Variants in GRIK4 observed in about 807,000 individuals in gnomAD.
GRIK4 encodes the protein glutamate receptor ionotropic, kainate 4.
A neutral mutation model predicts 104.9 loss-of-function variants in GRIK4; 40 were observed. The observed-to-expected ratio is 0.38, with a 90% CI of 0.30 to 0.50. The LOEUF (loss-of-function observed/expected upper bound fraction) is 0.50, where lower values mean the gene tolerates loss of function less well. Ranked by LOEUF, GRIK4 falls within the 20% of genes least tolerant of loss-of-function variation. GRIK4 has a pLI of 0.93. For synonymous variants in GRIK4, 485 were observed against 524.9 expected, an observed-to-expected ratio of 0.92 and a Z score of 1.04; for missense variants, 1,047 against 1,308.1, an observed-to-expected ratio of 0.80 and a Z score of 3.08.
intron 8 of GRIK4, among the ~76,000 whole-genome samples, chr11:120,856,117 G>T (rs1280885036): frequency 2.0e-5 from 3 of 152,212 alleles, no homozygotes; most frequent in African/African-American, 7.2e-5. Context: ...GTACCTGTGT[G>T]CCAGGCACTT....
chr11:120,715,251 C>G (rs1422204923), intron 3 of GRIK4, among the ~76,000 whole-genome samples: 2 of 152,214 alleles, frequency 1.3e-5, no homozygotes, highest in Non-Finnish European at 2.9e-5. Flanking sequence ...AGAAGGGGCC[C>G]TGGGGCACAG....
intron 3 of GRIK4, among the ~76,000 whole-genome samples, chr11:120,760,824 ATT>A (rs886726674): frequency 6.7e-6 from 1 of 148,222 alleles, no homozygotes; most frequent in Non-Finnish European, 1.5e-5. Context: ...TATGTGCCAC[ATT>A]TTTTTTTTAT....
intron 13 of GRIK4, among the ~76,000 whole-genome samples, chr11:120,912,056 A>G (rs182745447): frequency 1.3e-5 from 2 of 152,302 alleles, no homozygotes; most frequent in East Asian, 3.9e-4. Flanking sequence ...ATTATACTAT[A>G]TGCAGTGTTG....
At chr11:120,545,128 G>A (rs1325474709) in intron 1 of GRIK4, among the ~76,000 whole-genome samples, 3 of 152,054 alleles carry the variant, frequency 2.0e-5, no homozygotes, top group Non-Finnish European at 4.4e-5. Context: ...GTCACTGGCC[G>A]GTTTCCTGTG....
intron 3 of GRIK4, among the ~76,000 whole-genome samples, chr11:120,676,738 C>G (rs991674154): frequency 2.0e-5 from 3 of 152,234 alleles, no homozygotes; most frequent in African/African-American, 7.2e-5. Flanking sequence ...CTTCCCAGCA[C>G]TGCCACATTA....
At chr11:120,642,542 T>A (rs1949483096) in intron 1 of GRIK4, among the ~76,000 whole-genome samples, 1 of 151,758 alleles carries the variant, frequency 6.6e-6, no homozygotes, top group Non-Finnish European at 1.5e-5. Context: ...CAAGCTCCCT[T>A]CCGGATGTGA....
chr11:120,775,737 C>A (rs1054607836), intron 3 of GRIK4, among the ~76,000 whole-genome samples: 2 of 152,238 alleles, frequency 1.3e-5, no homozygotes, highest in African/African-American at 2.4e-5. Context: ...GATGACAATC[C>A]GACAATCCTG....
intron 1 of GRIK4, among the ~76,000 whole-genome samples, chr11:120,585,984 G>T (rs553699462): frequency 7.5e-5 from 11 of 147,224 alleles, no homozygotes; most frequent in Non-Finnish European, 1.5e-4. Context: ...TTTTAGAGAT[G>T]CCCATGGGGC....
In GRIK4 at chr11:120,971,568, G is replaced by A. The variant is rs1048542518; in HGVS notation, c.2395+4245G>A. Among the ~76,000 whole-genome samples, 8 of 152,200 alleles carry A rather than the reference G, an allele frequency of 5.3e-5. No homozygotes were observed. The East Asian group carries it at 5.8e-4, about 11-fold the overall frequency. On this transcript the variant is annotated intron_variant, in intron 19 of 20. Coordinates refer to ENST00000527524, the MANE Select transcript of GRIK4 (RefSeq NM_014619.5). ...AACTACTGTGTACCAGGCACTGTGC[G>A]AGGCTCTGAAATTACCAAAAGGATT... is the stretch of plus-strand genomic sequence containing the variant.
chr11:120,836,714 A>G (rs375496884), intron 7 of GRIK4, 77 bp from the exon 8 acceptor site: 2 of 901,216 alleles, frequency 2.2e-6, no homozygotes, highest in East Asian at 4.8e-5. Flanking sequence ...AATGGTAGAC[A>G]CTTGGAACCC....
At chr11:120,832,124 C>T in intron 7 of GRIK4, 94 bp downstream of exon 7, 1 of 776,104 alleles carries the variant, frequency 1.3e-6, no homozygotes, top group South Asian at 1.9e-5. Context: ...TGACGGAGCC[C>T]CGGGCTGGAC....
At chr11:120,546,443 G>C (rs1433460790) in intron 1 of GRIK4, among the ~76,000 whole-genome samples, 8 of 152,198 alleles carry the variant, frequency 5.3e-5, no homozygotes, top group Non-Finnish European at 8.8e-5. Flanking sequence ...GTCCTTCTAG[G>C]TGGTGGAGAC....
Position 120,902,213 on chromosome 11 carries a change from C to A in GRIK4, c.1273-3077C>A, listed in dbSNP as rs763645661. 6.6e-6 allele frequency among the ~76,000 whole-genome samples: 1 copy of A among 152,102 alleles called. No individual in the cohort carries two copies. The highest frequency in any genetic ancestry group is 1.9e-4 in the East Asian group (1 of 5,172). ...TGCCAGCAAACATGGAATTGGCTGCCGCTCCCATTCCCTGAACACCTTTTC... is the reference window on the plus strand; with the variant it reads ...TGCCAGCAAACATGGAATTGGCTGCAGCTCCCATTCCCTGAACACCTTTTC... On this transcript the variant is annotated intron_variant, in intron 12 of 20. Coordinates refer to ENST00000527524, the MANE Select transcript of GRIK4 (RefSeq NM_014619.5). This position sits in a 1 kb window ranked among gnomAD's most constrained non-coding sequence, Gnocchi z 4.5.
At chr11:120,927,148 T>C (rs1370258073) in intron 13 of GRIK4, among the ~76,000 whole-genome samples, 1 of 151,628 alleles carries the variant, frequency 6.6e-6, no homozygotes, top group Non-Finnish European at 1.5e-5. Context: ...GGCTGCCGTA[T>C]CACCAACGCC....
At chr11:120,945,272 C>G (rs973480279) in intron 14 of GRIK4, among the ~76,000 whole-genome samples, 1 of 152,216 alleles carries the variant, frequency 6.6e-6, no homozygotes, top group Non-Finnish European at 1.5e-5. Flanking sequence ...TTCCACGCAG[C>G]TCCCCTAGAT....
At chr11:120,946,601 G>A (rs1199144572) in intron 14 of GRIK4, among the ~76,000 whole-genome samples, 2 of 152,162 alleles carry the variant, frequency 1.3e-5, no homozygotes, top group Non-Finnish European at 2.9e-5. Flanking sequence ...GTTGACTCAC[G>A]TCTCCTAATT....
intron 3 of GRIK4, among the ~76,000 whole-genome samples, chr11:120,751,743 G>A (rs989547838): frequency 1.3e-5 from 2 of 152,162 alleles, no homozygotes; most frequent in African/African-American, 2.4e-5. Context: ...CAGCATCTTC[G>A]GTGAAGGGCC....
chr11:120,677,115 C>T (rs930502076), intron 3 of GRIK4, among the ~76,000 whole-genome samples: 1 of 152,188 alleles, frequency 6.6e-6, no homozygotes, highest in Non-Finnish European at 1.5e-5. Flanking sequence ...TCTTCCATTA[C>T]TGCAACTGAG....
intron 3 of GRIK4, among the ~76,000 whole-genome samples, chr11:120,762,477 T>C (rs1332789729): frequency 1.3e-5 from 2 of 152,198 alleles, no homozygotes; most frequent in Non-Finnish European, 2.9e-5. Context: ...TCCAATACTG[T>C]GTTGAATAGG....
Sources: allele counts gnomAD v4.1 joint callset (sites outside exome capture counted in the v4.1 genomes callset), GRCh38; gene constraint gnomAD v4.1.1; non-coding constraint Gnocchi (gnomAD v3.1); transcripts MANE v1.5; gene names NCBI Gene and HGNC (gene_info 2026-07-23, HGNC 2026-07-21).